Variants in CCSER1 observed in about 807,000 individuals in gnomAD.
CCSER1 encodes coiled-coil serine rich protein 1, also known as serine-rich coiled-coil domain-containing protein 1.
In CCSER1, 41 loss-of-function variants were observed where a neutral mutation model predicts 82.0. That is an observed-to-expected ratio of 0.50 (90% confidence interval 0.39 to 0.65). The LOEUF (loss-of-function observed/expected upper bound fraction) is 0.65. CCSER1 is among the 30% of genes least tolerant of loss of function. The pLI, the probability that CCSER1 is intolerant of heterozygous loss-of-function variation, is 0.00. For synonymous variants in CCSER1, 414 were observed against 383.9 expected, an observed-to-expected ratio of 1.08 and a Z score of -0.92; for missense variants, 1,119 against 1,064.2, an observed-to-expected ratio of 1.05 and a Z score of -0.72.
At chr4:91,387,096 G>A (rs1185144444) in intron 10 of CCSER1, among the ~76,000 whole-genome samples, 2 of 151,916 alleles carry the variant, frequency 1.3e-5, no homozygotes, top group Non-Finnish European at 2.9e-5. Flanking sequence ...TGAAAATATT[G>A]TAGTAATGTT....
intron 1 of CCSER1, among the ~76,000 whole-genome samples, chr4:90,164,197 A>G (rs1168265062): frequency 1.3e-5 from 2 of 151,812 alleles, no homozygotes; most frequent in Non-Finnish European, 2.9e-5. Flanking sequence ...CACACATTTA[A>G]TAAGGGTTTT....
At chr4:91,556,726 TCA>T (rs988930390) in intron 10 of CCSER1, among the ~76,000 whole-genome samples, 2 of 151,076 alleles carry the variant, frequency 1.3e-5, no homozygotes, top group African/African-American at 4.9e-5. Flanking sequence ...TCAGCAACTT[TCA>T]TTTATTTTTA....
At chr4:91,458,776 TTG>T (rs1352238037) in intron 10 of CCSER1, among the ~76,000 whole-genome samples, 1 of 152,154 alleles carries the variant, frequency 6.6e-6, no homozygotes, top group Non-Finnish European at 1.5e-5. Flanking sequence ...GTAAATGGAA[TTG>T]TTTTTTATTT....
intron 8 of CCSER1, among the ~76,000 whole-genome samples, chr4:90,877,706 A>G (rs1344701848): frequency 2.0e-5 from 3 of 150,700 alleles, no homozygotes; most frequent in Non-Finnish European, 4.4e-5. Flanking sequence ...GAATAGAAGG[A>G]AAAAAAAAGA....
chr4:90,568,432 A>G (rs1579211418), intron 5 of CCSER1, among the ~76,000 whole-genome samples: 1 of 152,048 alleles, frequency 6.6e-6, no homozygotes, highest in Non-Finnish European at 1.5e-5. Context: ...GTCTCTTTTT[A>G]CACTTTTTGA....
chr4:90,957,756 T>A (rs2150368358), intron 9 of CCSER1, among the ~76,000 whole-genome samples: 2 of 148,742 alleles, frequency 1.3e-5, no homozygotes, highest in South Asian at 4.2e-4. Flanking sequence ...AGGTAAGATT[T>A]GGATTTTTAA....
rs898770484 is a variant in CCSER1 at position 90,691,489 on chromosome 4, T to C, written c.1933-32425T>C. On this transcript the variant is annotated intron_variant, in intron 6 of 10. Coordinates refer to ENST00000509176, the MANE Select transcript of CCSER1 (RefSeq NM_001145065.2). ...ATACACACATGTATTATATATCACA[T>C]GTATATAAACGTGTGTATATATTAC... 3.3e-5 allele frequency among the ~76,000 whole-genome samples: 5 copies of C among 151,932 alleles called. No homozygotes were observed. In the East Asian group the frequency reaches 9.6e-4, roughly 29 times the overall value.
At chr4:90,544,416 CAG>C (rs1350571610) in intron 5 of CCSER1, among the ~76,000 whole-genome samples, 2 of 152,122 alleles carry the variant, frequency 1.3e-5, no homozygotes, top group African/African-American at 4.8e-5. Context: ...ATGCATGTGG[CAG>C]AGTCTAGGAA....
intron 10 of CCSER1, among the ~76,000 whole-genome samples, chr4:91,533,893 T>A (rs1761158115): frequency 6.6e-6 from 1 of 152,034 alleles, no homozygotes; most frequent in Non-Finnish European, 1.5e-5. Context: ...GTTCTTAGTA[T>A]AAGATATGTA....
At chr4:91,429,110 CATA>C (rs895672828) in intron 10 of CCSER1, among the ~76,000 whole-genome samples, 2 of 151,888 alleles carry the variant, frequency 1.3e-5, no homozygotes, top group African/African-American at 4.8e-5. Context: ...CTTCTATTAT[CATA>C]ATACTTTTTC....
At chr4:91,311,557 T>A (rs778246807) in intron 10 of CCSER1, among the ~76,000 whole-genome samples, 29 of 151,942 alleles carry the variant, frequency 1.9e-4, no homozygotes, top group Admixed American at 3.3e-4. Flanking sequence ...GTTATTAGAA[T>A]TCTGTGGTGG....
intron 9 of CCSER1, among the ~76,000 whole-genome samples, chr4:91,078,645 G>A (rs1722304148): frequency 6.6e-6 from 1 of 152,190 alleles, no homozygotes; most frequent in Non-Finnish European, 1.5e-5. Flanking sequence ...AGCTAAAGGA[G>A]GATGTACGAA....
intron 5 of CCSER1, among the ~76,000 whole-genome samples, chr4:90,587,662 G>T (rs1782187331): frequency 1.3e-5 from 2 of 152,142 alleles, no homozygotes; most frequent in African/African-American, 4.8e-5. Context: ...TTAAGCCTCT[G>T]TGCCTGTCCC....
At chr4:90,335,128 TTATTTTTTCTA>T (rs1740142008) in intron 3 of CCSER1, among the ~76,000 whole-genome samples, 2 of 152,208 alleles carry the variant, frequency 1.3e-5, no homozygotes, top group Admixed American at 1.3e-4. Flanking sequence ...TTCAAAGGCA[TTATTTTTTCTA>T]AAAGACACTG....
intron 5 of CCSER1, among the ~76,000 whole-genome samples, chr4:90,471,377 G>C (rs1764373933): frequency 6.6e-6 from 1 of 151,974 alleles, no homozygotes; most frequent in Non-Finnish European, 1.5e-5. Flanking sequence ...TGAGGCTGCA[G>C]AGAGCTATGA....
intron 10 of CCSER1, among the ~76,000 whole-genome samples, chr4:91,529,970 T>C (rs1282284293): frequency 2.6e-5 from 4 of 152,148 alleles, no homozygotes; most frequent in Admixed American, 2.0e-4. Context: ...CTTCTCATTA[T>C]GAACTATATC....
chr4:91,309,665 C>G (rs149567056), intron 10 of CCSER1, among the ~76,000 whole-genome samples: 1 of 152,102 alleles, frequency 6.6e-6, no homozygotes, highest in East Asian at 1.9e-4. Context: ...CTACAAGGAA[C>G]AACCAAGGCA....
intron 10 of CCSER1, among the ~76,000 whole-genome samples, chr4:91,207,100 G>A (rs1039899365): frequency 1.3e-5 from 2 of 151,860 alleles, no homozygotes. Flanking sequence ...AAGCATGGTG[G>A]CATAATGAGT....
chr4:90,555,617 GAC>G (rs371585319), intron 5 of CCSER1, among the ~76,000 whole-genome samples: 4 of 152,020 alleles, frequency 2.6e-5, no homozygotes, highest in African/African-American at 7.2e-5. Context: ...AAAGATAAAG[GAC>G]ACACAGAATA....
Sources: gnomAD v4.1 joint callset for allele counts (sites outside exome capture counted in the v4.1 genomes callset) on GRCh38, gnomAD v4.1.1 for gene constraint, MANE v1.5 for transcripts, NCBI Gene and HGNC (gene_info 2026-07-23, HGNC 2026-07-21) for gene names.